KIAA1210: variants seen among roughly 807,000 people sequenced by gnomAD.
The protein encoded by KIAA1210 is acrosomal protein KIAA1210.
A neutral mutation model predicts 78.9 loss-of-function variants in KIAA1210; 48 were observed. The ratio of observed to expected loss-of-function variants is 0.61; its 90% CI spans 0.48 to 0.77. The LOEUF is 0.77. Ranked by LOEUF, KIAA1210 falls within the 30% of genes least tolerant of loss-of-function variation. KIAA1210 has a pLI of 0.00. For synonymous variants in KIAA1210, 406 were observed against 404.5 expected, an observed-to-expected ratio of 1.00 and a Z score of -0.04; for missense variants, 1,108 against 1,100.0, an observed-to-expected ratio of 1.01 and a Z score of -0.10.
At chrX:119,133,363 C>CA (rs766452804) in intron 2 of KIAA1210, among the ~76,000 whole-genome samples, 1 of 111,645 alleles carries the variant, frequency 9.0e-6, no homozygotes, top group African/African-American at 3.3e-5. Context: ...CACCAGTAGT[C>CA]AGTATGATTC....
At position 119,125,347 on chromosome X, in the gene KIAA1210, C is replaced by T. The variant is rs776328299; in HGVS notation, c.-10-1695G>A. 5.4e-5 allele frequency among the ~76,000 whole-genome samples: 6 copies of T among 110,179 alleles called. No homozygotes were observed. The South Asian group carries it at 2.0e-3, about 36-fold the overall frequency. The stretch of plus-strand genomic sequence containing the variant: ...CTTTTGATCCAGGAACATCACTTCT[C>T]GAACATTACCTTATAGATAAATAGT... On this transcript the variant is annotated intron_variant, in intron 1 of 11. Transcript: ENST00000691062.
intron 3 of KIAA1210, among the ~76,000 whole-genome samples, chrX:119,111,574 G>C (rs779932184): frequency 1.9e-5 from 2 of 107,412 alleles, no homozygotes; most frequent in South Asian, 8.9e-4. Context: ...ATCGACATGG[G>C]GGGTGGTACA....
chrX:119,102,806 A>G (rs1439117391), intron 6 of KIAA1210, among the ~76,000 whole-genome samples: 1 of 112,078 alleles, frequency 8.9e-6, no homozygotes, highest in African/African-American at 3.2e-5. Flanking sequence ...TTACCCTGAC[A>G]ATGTATATTG....
chrX:119,111,854 T>C (rs1294777042), intron 3 of KIAA1210, among the ~76,000 whole-genome samples: 1 of 111,649 alleles, frequency 9.0e-6, no homozygotes, highest in Admixed American at 9.5e-5. Flanking sequence ...TGATCTTGGA[T>C]TTGGCAATGG....
chrX:119,095,413 C>T (rs184165203), intron 7 of KIAA1210, among the ~76,000 whole-genome samples: 113 of 110,217 alleles, frequency 1.0e-3, no homozygotes, highest in African/African-American at 3.5e-3. Flanking sequence ...TTTTTTTAAA[C>T]GGAGTTTTGC....
At chrX:119,090,354 C>T (rs756754151) in intron 8 of KIAA1210, among the ~76,000 whole-genome samples, 1 of 111,216 alleles carries the variant, frequency 9.0e-6, no homozygotes, top group Non-Finnish European at 1.9e-5. Context: ...TCACTGCAAC[C>T]TCTGACTCCT....
At chrX:119,115,323 C>T (rs1928223040) in intron 3 of KIAA1210, among the ~76,000 whole-genome samples, 1 of 111,117 alleles carries the variant, frequency 9.0e-6, no homozygotes, top group African/African-American at 3.3e-5. Context: ...AGAACTTTAG[C>T]AGAGATAGTA....
At chrX:119,112,836 T>C (rs189294799) in intron 3 of KIAA1210, among the ~76,000 whole-genome samples, 2 of 111,599 alleles carry the variant, frequency 1.8e-5, no homozygotes, top group Non-Finnish European at 3.8e-5. Context: ...ACAATTCCAC[T>C]CCTAGGTATA....
intron 2 of KIAA1210, 92 bp downstream of exon 2, chrX:119,123,490 T>G: frequency 1.5e-6 from 1 of 660,307 alleles, no homozygotes. Flanking sequence ...TCTGAACTTG[T>G]TTTCTTGTGC....
At chrX:119,135,135 T>A (rs1928882161) in intron 2 of KIAA1210, among the ~76,000 whole-genome samples, 1 of 111,676 alleles carries the variant, frequency 9.0e-6, no homozygotes, top group African/African-American at 3.3e-5. Flanking sequence ...AGTAATAGAG[T>A]TAGGACTCAA....
rs11439597 is a variant in KIAA1210, at chrX:119,142,774, CAAAAAAAAA to C, written c.410+4690_410+4698del. ...TGGGCAGCAAAGTGAGACTCCATCT[CAAAAAAAAA>C]AAAAAAAAAAAAAAGAGGAAAGAGA... is the stretch of plus-strand genomic sequence containing the variant. On this transcript the variant is annotated intron_variant, in intron 2 of 13. Coordinates refer to the KIAA1210 transcript ENST00000402510. 6.2e-4 allele frequency among the ~76,000 whole-genome samples: 24 copies of C among 38,800 alleles called. No homozygotes were observed. In the South Asian group the frequency reaches 0.017, roughly 27 times the overall value. 33.7% of individuals were successfully genotyped at this position (38,800 alleles called of 115,157 possible). A position where few individuals can be genotyped will look rare whatever the true frequency, so the allele number is the denominator to read the frequency against.
At chrX:119,134,574 A>G (rs1450910201) in intron 2 of KIAA1210, among the ~76,000 whole-genome samples, 1 of 112,114 alleles carries the variant, frequency 8.9e-6, no homozygotes, top group African/African-American at 3.2e-5. Context: ...GGATCATCAA[A>G]CAGATGCCCA....
In KIAA1210 at chrX:119,088,173, G is replaced by T. The variant is rs867373321; in HGVS notation, c.2529C>A (p.Pro843=). 2.5e-6 allele frequency: 3 copies of T among 1,211,202 alleles called. No individual in the cohort carries two copies. In the Middle Eastern group the frequency reaches 6.9e-4, roughly 279 times the overall value. ...ERVISVEPLL[P]RYSPQSLTDP... ...CTGTCAAGGACTGAGGAGAATATCT[G>T]GGGAGTAGTGGCTCCACAGAAATGA... is the stretch of plus-strand genomic sequence containing the variant. The change falls in exon 9 of 12, where the codon CCC becomes CCA. Residue 843 remains proline (P), a synonymous_variant. Transcript: ENST00000691062.
At position 119,083,005 on chromosome X, in the gene KIAA1210, AT is replaced by A; in HGVS notation, c.4426+9del. ...GCTGTTTTTTGAGAGGTCAGAATGT[AT>A]GCTTTTACCTGATTTTGTAGGCTTA... On this transcript the variant is annotated intron_variant, in intron 11 of 11. Transcript: ENST00000691062. 8.6e-7 allele frequency: 1 copy of A among 1,157,115 alleles called. No homozygotes were observed. The highest frequency in any genetic ancestry group is 1.2e-6 in the Non-Finnish European group (1 of 855,220).
chrX:119,139,590 C>T (rs1167636973), intron 2 of KIAA1210, among the ~76,000 whole-genome samples: 2 of 111,688 alleles, frequency 1.8e-5, no homozygotes, highest in African/African-American at 3.3e-5. Flanking sequence ...CTGTCCTCCC[C>T]GTGGTGGTAA....
At chrX:119,143,521 ATATTTCACCCGAGGC>A (rs1929097846) in intron 2 of KIAA1210, among the ~76,000 whole-genome samples, 2 of 112,180 alleles carry the variant, frequency 1.8e-5, no homozygotes, top group African/African-American at 6.5e-5. Context: ...TGTGCTTTTT[ATATTTCACCCGAGGC>A]TATTCTTAAA....
rs145929840 is a variant in KIAA1210 at position 119,096,546 on chromosome X, C to T, written c.794G>A (p.Arg265His). The T allele has an allele frequency of 0.012, 14,376 of 1,208,973 alleles. 77 individuals carry two copies. The highest frequency in any genetic ancestry group is 0.017 in the Middle Eastern group (76 of 4,350). ...GCGGGGATTTAAAGTCATTTTGTGG[C>T]GAGCAGCTGAAGAATCCAAACAGCC... ...TQGCLDSSAARHKMTLNPRKQ... is the reference protein window; with the variant it reads ...TQGCLDSSAAHHKMTLNPRKQ... The change falls in exon 7 of 12, where the codon CGC becomes CAC. Residue 265 changes from arginine (R) to histidine (H), a missense_variant. By Grantham distance (29) the Arg-to-His change is conservative. This residue lies in a region of KIAA1210 where 672 missense variants were observed against 607.1 expected (regional missense o/e 1.11). Coordinates refer to ENST00000691062, the MANE Select transcript of KIAA1210 (RefSeq NM_001394962.1).
At chrX:119,150,530 A>G (rs1208128759) in exon 1 of KIAA1210, 1 of 1,208,438 alleles carries the variant, frequency 8.3e-7, no homozygotes, top group Non-Finnish European at 1.1e-6. Context: ...GCCAGGAAGG[A>G]GAGAAGCGTG....
rs1437644344 is a variant in KIAA1210, at chrX:119,087,574, G to A, written c.3128C>T (p.Pro1043Leu). The change falls in exon 9 of 12, where the codon CCT becomes CTT. Residue 1043 changes from proline to leucine, a missense_variant. Coordinates refer to ENST00000691062, the MANE Select transcript of KIAA1210 (RefSeq NM_001394962.1). Reference protein sequence around the residue: ...SALKRGSDVAPLPPNLPSKSL... With the variant: ...SALKRGSDVALLPPNLPSKSL... ...TTTGGAAGGAAGATTGGGAGGCAGA[G>A]GTGCCACATCACTGCCCCTCTTAAG... 8.3e-7 allele frequency: 1 copy of A among 1,211,631 alleles called. No homozygotes were observed. Among genetic ancestry groups the A allele is most frequent in the South Asian group, 1.8e-5 (1 of 56,908 alleles).
Sources: gnomAD v4.1 joint callset for allele counts (sites outside exome capture counted in the v4.1 genomes callset) on GRCh38, gnomAD v4.1.1 for gene constraint, gnomAD v4.1.1 regional missense constraint, MANE v1.5 for transcripts, NCBI Gene and HGNC (gene_info 2026-07-23, HGNC 2026-07-21) for gene names.